VIT: variants seen among roughly 807,000 people sequenced by gnomAD.
VIT encodes the protein vitrin.
Under a neutral mutation model 78.0 loss-of-function variants are expected in VIT, and 99 were observed. The ratio of observed to expected loss-of-function variants is 1.27; its 90% CI spans 1.08 to 1.50. The LOEUF is 1.50. Ranked by LOEUF, VIT falls within the 40% of genes most tolerant of loss-of-function variation. The pLI is 0.00. For missense variants in VIT, 1,126 were observed against 875.3 expected, an observed-to-expected ratio of 1.29 and a Z score of -3.61; for synonymous variants, 374 against 334.3, an observed-to-expected ratio of 1.12 and a Z score of -1.29.
chr2:36,754,222 G>A (rs1386249979), intron 4 of VIT, among the ~76,000 whole-genome samples: 1 of 152,118 alleles, frequency 6.6e-6, no homozygotes, highest in African/African-American at 2.4e-5. Flanking sequence ...GGTGTTGATG[G>A]GGAGAAATCT....
chr2:36,733,878 T>C (rs1033983521), intron 3 of VIT, among the ~76,000 whole-genome samples: 1 of 152,180 alleles, frequency 6.6e-6, no homozygotes, highest in Admixed American at 6.5e-5. Flanking sequence ...AAAAAAAGCT[T>C]GATCATCTAA....
In VIT at chr2:36,703,030, A is replaced by T. The variant is rs368967103; in HGVS notation, c.-19+6057A>T. Among the ~76,000 whole-genome samples, 245 of 152,210 alleles carry T rather than the reference A, an allele frequency of 1.6e-3. 1 individual carries two copies. Among genetic ancestry groups the T allele is most frequent in the South Asian group, 7.1e-3 (34 of 4,814 alleles). Reference sequence around the variant, plus strand: ...TGTCACACAGAGAGTTCTGATTGCCACAAGCTCTTCCCCTCTCCTGTAGAG... The same window carrying T: ...TGTCACACAGAGAGTTCTGATTGCCTCAAGCTCTTCCCCTCTCCTGTAGAG... On this transcript the variant is annotated intron_variant, in intron 1 of 15. Coordinates refer to ENST00000379242, the MANE Select transcript of VIT (RefSeq NM_053276.4).
intron 10 of VIT, among the ~76,000 whole-genome samples, chr2:36,782,121 T>G (rs1349233071): frequency 1.3e-5 from 2 of 152,222 alleles, no homozygotes; most frequent in Non-Finnish European, 2.9e-5. Context: ...CAAAATGGCT[T>G]TCAGGTTTTC....
chr2:36,736,624 C>T (rs925310212), intron 3 of VIT, among the ~76,000 whole-genome samples: 4 of 152,208 alleles, frequency 2.6e-5, no homozygotes, highest in African/African-American at 7.2e-5. Flanking sequence ...CAACGTGTTA[C>T]TGGCTGCCCA....
intron 10 of VIT, among the ~76,000 whole-genome samples, 194 bp from the exon 11 acceptor site, chr2:36,783,144 CTA>C (rs1202273426): frequency 1.3e-5 from 2 of 152,146 alleles, no homozygotes; most frequent in Non-Finnish European, 2.9e-5. Flanking sequence ...CAGCAGAGTA[CTA>C]TGTTTTTGAT....
intron 3 of VIT, among the ~76,000 whole-genome samples, chr2:36,734,874 G>A (rs942892635): frequency 1.3e-5 from 2 of 152,164 alleles, no homozygotes; most frequent in African/African-American, 4.8e-5. Flanking sequence ...TTAAGAGCAT[G>A]TTGAAAATAA....
intron 2 of VIT, among the ~76,000 whole-genome samples, chr2:36,720,726 A>G (rs183944724): frequency 6.6e-6 from 1 of 152,320 alleles, no homozygotes; most frequent in Non-Finnish European, 1.5e-5. Flanking sequence ...ACAGACTTTC[A>G]GGCCAGAAGT....
intron 12 of VIT, among the ~76,000 whole-genome samples, chr2:36,795,502 T>G (rs56740767): frequency 0.13 from 19,447 of 151,904 alleles, 3,236 homozygotes; most frequent in African/African-American, 0.38. Flanking sequence ...AACCTCCGCC[T>G]CCCGGGTTCA....
intron 6 of VIT, chr2:36,759,447 T>C: frequency 8.1e-7 from 1 of 1,235,276 alleles, no homozygotes; most frequent in South Asian, 1.7e-5. Context: ...GTGGTTTATG[T>C]GATAACAGCA....
chr2:36,729,454 C>T lies in VIT; in HGVS notation c.81C>T (p.Asn27=), dbSNP rs549465972. The T allele has an allele frequency of 6.0e-5, 97 of 1,608,784 alleles. 1 individual carries two copies. The South Asian group carries it at 1.1e-3, about 18-fold the overall frequency. Residue 27 remains asparagine (N), a synonymous_variant, in exon 3 of 16, where the codon AAC becomes AAT. Coordinates refer to ENST00000379242, the MANE Select transcript of VIT (RefSeq NM_053276.4). ...TGCTGGTGACTGGAGTACATTCAAA[C>T]AAAGAAACGGCAAAGAAGATTAAAA... The part of the protein sequence containing the change: ...LVLLVTGVHS[N]KETAKKIKRP...
chr2:36,748,074 C>T (rs1463567379), intron 4 of VIT, among the ~76,000 whole-genome samples: 1 of 152,200 alleles, frequency 6.6e-6, no homozygotes, highest in Non-Finnish European at 1.5e-5. Context: ...GGCTTGTAAA[C>T]TTTCTGCTGA....
At chr2:36,771,393 G>A (rs1210987153) in intron 7 of VIT, among the ~76,000 whole-genome samples, 1 of 152,098 alleles carries the variant, frequency 6.6e-6, no homozygotes, top group Admixed American at 6.5e-5. Context: ...AGATGCAGTG[G>A]TGTGCACCTG....
At chr2:36,799,812 C>G (rs1167362120) in intron 12 of VIT, among the ~76,000 whole-genome samples, 3 of 152,022 alleles carry the variant, frequency 2.0e-5, no homozygotes, top group Non-Finnish European at 2.9e-5. Flanking sequence ...CTTTGGAAGG[C>G]CAAGGCAGGC....
intron 3 of VIT, among the ~76,000 whole-genome samples, chr2:36,733,761 TG>T (rs1667345123): frequency 6.6e-6 from 1 of 152,320 alleles, no homozygotes; most frequent in South Asian, 2.1e-4. Flanking sequence ...GCCGGAGCCC[TG>T]GCATTGTAAA....
At chr2:36,776,644 TACA>T (rs1025904823) in intron 9 of VIT, among the ~76,000 whole-genome samples, 1 of 151,326 alleles carries the variant, frequency 6.6e-6, no homozygotes, top group Non-Finnish European at 1.5e-5. Context: ...CTATTAAAAA[TACA>T]ACAATGAGCC....
chr2:36,797,523 C>T (rs557738956), intron 12 of VIT, among the ~76,000 whole-genome samples: 1 of 152,210 alleles, frequency 6.6e-6, no homozygotes, highest in Non-Finnish European at 1.5e-5. Context: ...GAGAGGAAGG[C>T]AGATGGGGAG....
rs929639937 is a variant in VIT, at chr2:36,805,759, G to A, written c.1389+95G>A. 1.2e-5 allele frequency: 16 copies of A among 1,345,018 alleles called. No homozygotes were observed. The African/African-American group carries it at 1.9e-4, about 16-fold the overall frequency. The allele number at this position is 1,345,018 out of a possible 1,614,324, so 83.3% of individuals were successfully genotyped here. The stretch of plus-strand genomic sequence containing the variant: ...CAGTGGTTTTCCCATGCCTTTAAAT[G>A]TGCATGAAGCTCATCTCTAGGCAGT... On this transcript the variant is annotated intron_variant, in intron 14 of 15. Coordinates refer to ENST00000379242, the MANE Select transcript of VIT (RefSeq NM_053276.4).
intron 7 of VIT, among the ~76,000 whole-genome samples, chr2:36,769,128 G>C (rs1455416291): frequency 6.6e-6 from 1 of 152,236 alleles, no homozygotes; most frequent in Non-Finnish European, 1.5e-5. Flanking sequence ...GGGTTCTGTA[G>C]CCAGAAGTTC....
chr2:36,805,490 C>T lies in VIT; in HGVS notation c.1215C>T (p.Asn405=). ...ACTTCTTTTCCAAAGCCAATGGAAA[C>T]AGAAGCGGGGCTCCCAATGTGGTGG... ...TKNFFSKANG[N]RSGAPNVVVV... Residue 405 remains asparagine, a synonymous_variant, in exon 14 of 16, where the codon AAC becomes AAT. Transcript: ENST00000379242. 1 of 1,613,846 alleles carries T rather than the reference C, an allele frequency of 6.2e-7. No homozygotes were observed. The highest frequency in any genetic ancestry group is 1.7e-5 in the Admixed American group (1 of 59,974).
Sources: gnomAD v4.1 joint callset for allele counts (sites outside exome capture counted in the v4.1 genomes callset) on GRCh38, gnomAD v4.1.1 for gene constraint, MANE v1.5 for transcripts, NCBI Gene and HGNC (gene_info 2026-07-23, HGNC 2026-07-21) for gene names.